Variants in ARL13B observed in about 807,000 individuals in gnomAD.
The protein encoded by ARL13B is ADP-ribosylation factor-like protein 13B.
In ARL13B, 36 loss-of-function variants were observed where a neutral mutation model predicts 56.1. The ratio of observed to expected loss-of-function variants is 0.64; its 90% CI spans 0.49 to 0.85. The LOEUF (loss-of-function observed/expected upper bound fraction) is 0.85, where lower values mean the gene tolerates loss of function less well. ARL13B is among the 40% of genes least tolerant of loss of function. The pLI is 0.00. For missense variants in ARL13B, 519 were observed against 507.1 expected, an observed-to-expected ratio of 1.02 and a Z score of -0.23; for synonymous variants, 178 against 171.1, an observed-to-expected ratio of 1.04 and a Z score of -0.32.
chr3:94,014,567 G>A, intron 3 of ARL13B: 1 of 1,611,998 alleles, frequency 6.2e-7, no homozygotes, highest in Admixed American at 1.7e-5. Context: ...AGAGATATCT[G>A]AATGAAAAGA....
At position 93,980,423 on chromosome 3, in the gene ARL13B, G is replaced by T; in HGVS notation, c.-1G>T. The stretch of plus-strand genomic sequence containing the variant: ...GGAAGTGGTGGGAGGAGCGACCCGG[G>T]ATGTTCAGTCTGATGGCCAGTTGCT... On this transcript the variant is annotated 5_prime_UTR_variant, in exon 1 of 10. Coordinates refer to ENST00000394222, the MANE Select transcript of ARL13B (RefSeq NM_001174150.2). 1 of 1,612,468 alleles carries T rather than the reference G, an allele frequency of 6.2e-7. No individual in the cohort carries two copies. The highest frequency in any genetic ancestry group is 8.5e-7 in the Non-Finnish European group (1 of 1,179,986).
intron 8 of ARL13B, among the ~76,000 whole-genome samples, chr3:94,049,996 CAAA>C (rs532785971): frequency 3.1e-5 from 2 of 64,412 alleles, no homozygotes; most frequent in Admixed American, 1.6e-4. Flanking sequence ...ACTAAAGATA[CAAA>C]AAAAAAAAAA....
At position 94,043,094 on chromosome 3, in the gene ARL13B, T is replaced by A. The variant is rs2076891212; in HGVS notation, c.878T>A (p.Met293Lys). The A allele has an allele frequency of 6.2e-7, 1 of 1,613,386 alleles. No homozygotes were observed. The highest frequency in any genetic ancestry group is 2.2e-5 in the East Asian group (1 of 44,814). Residue 293 changes from methionine (M) to lysine (K), a missense_variant, in exon 7 of 10, where the codon ATG becomes AAG. Transcript: ENST00000394222. ...GATGGCTGCCACCTGAAACATAAAA[T>A]GGAGCATGAGCAAATAGAGACACAA... is the stretch of plus-strand genomic sequence containing the variant. Reference protein sequence around the residue: ...DSDGCHLKHKMEHEQIETQGQ... With the variant: ...DSDGCHLKHKKEHEQIETQGQ...
At chr3:94,021,049 A>G (rs1274118571) in intron 3 of ARL13B, among the ~76,000 whole-genome samples, 2 of 152,160 alleles carry the variant, frequency 1.3e-5, no homozygotes, top group Admixed American at 1.3e-4. Context: ...GAAAAAAATG[A>G]GCTATGAATG....
Position 94,003,772 on chromosome 3 carries a change from T to G in ARL13B, c.244T>G (p.Trp82Gly). 1 of 1,613,760 alleles carries G rather than the reference T, an allele frequency of 6.2e-7. No homozygotes were observed. The highest frequency in any genetic ancestry group is 8.5e-7 in the Non-Finnish European group (1 of 1,179,742). ...AGGTGGAATAAGAATTCGGGGAATCTGGAAGAATTACTATGCTGAATCCTA... is the reference window on the plus strand; with the variant it reads ...AGGTGGAATAAGAATTCGGGGAATCGGGAAGAATTACTATGCTGAATCCTA... ...LGGGIRIRGIWKNYYAESYGV... is the reference protein window; with the variant it reads ...LGGGIRIRGIGKNYYAESYGV... Residue 82 changes from tryptophan (W) to glycine (G), a missense_variant, in exon 3 of 10, where the codon TGG (tryptophan) becomes GGG (glycine). Coordinates refer to ENST00000394222, the MANE Select transcript of ARL13B (RefSeq NM_001174150.2).
At chr3:93,994,345 T>A (rs2075928317) in intron 1 of ARL13B, among the ~76,000 whole-genome samples, 1 of 152,158 alleles carries the variant, frequency 6.6e-6, no homozygotes, top group South Asian at 2.1e-4. Context: ...GATTTTACCT[T>A]CTGAATAAGG....
rs1560020484 is a variant in ARL13B at position 94,053,618 on chromosome 3, C to A, written c.*355C>A. The A allele has an allele frequency of 2.2e-6, 1 of 463,590 alleles. No homozygotes were observed. Among genetic ancestry groups the A allele is most frequent in the African/African-American group, 2.0e-5 (1 of 50,486 alleles). The allele number at this position is 463,590 out of a possible 1,614,324, so 28.7% of individuals were successfully genotyped here. A position where few individuals can be genotyped will look rare whatever the true frequency, so the allele number is the denominator to read the frequency against. ...CTTTCTTTACTATTTGTTCAATAGC[C>A]TATATTTCTAGATATTAAATATTTT... On this transcript the variant is annotated 3_prime_UTR_variant, in exon 10 of 10. Transcript: ENST00000394222.
intron 2 of ARL13B, among the ~76,000 whole-genome samples, chr3:93,998,239 G>T (rs2075998620): frequency 6.6e-6 from 1 of 152,106 alleles, no homozygotes; most frequent in Non-Finnish European, 1.5e-5. Context: ...TCTAAAGCCT[G>T]ACATTCATGG....
chr3:94,014,499 T>C, intron 3 of ARL13B: 1 of 1,611,522 alleles, frequency 6.2e-7, no homozygotes, highest in Non-Finnish European at 8.5e-7. Flanking sequence ...CATACTCTTT[T>C]GTACTATTCA....
intron 2 of ARL13B, among the ~76,000 whole-genome samples, chr3:94,000,979 T>C (rs2076046727): frequency 6.6e-6 from 1 of 152,128 alleles, no homozygotes; most frequent in Admixed American, 6.5e-5. Context: ...GACAGGAGCT[T>C]CAGTTATCTC....
rs1414672891 is a variant in ARL13B at position 94,055,639 on chromosome 3, G to A, written c.*2376G>A. 2.2e-6 allele frequency: 1 copy of A among 453,242 alleles called. No individual in the cohort carries two copies. The highest frequency in any genetic ancestry group is 7.0e-5 in the East Asian group (1 of 14,382). 28.1% of individuals were successfully genotyped at this position (453,242 alleles called of 1,614,324 possible). ...TTACGTAGTATACATGATATTGTAT[G>A]TAACTGACTTCAAATATAAAACTAT... is the stretch of plus-strand genomic sequence containing the variant. On this transcript the variant is annotated 3_prime_UTR_variant, in exon 10 of 10. Transcript: ENST00000394222.
Position 94,054,833 on chromosome 3 carries a change from A to G in ARL13B, c.*1570A>G. 2.7e-6 allele frequency: 1 copy of G among 368,106 alleles called. No homozygotes were observed. The highest frequency in any genetic ancestry group is 2.1e-5 in the South Asian group (1 of 47,008). 22.8% of individuals were successfully genotyped at this position (368,106 alleles called of 1,614,324 possible). ...AAATTCGTAACAACCTAAATTTGAG[A>G]GGTGGCTGAAATGTGATGAAAAGCA... On this transcript the variant is annotated 3_prime_UTR_variant, in exon 10 of 10. Transcript: ENST00000394222.
intron 7 of ARL13B, among the ~76,000 whole-genome samples, chr3:94,044,709 A>C (rs1261584425): frequency 5.3e-5 from 7 of 132,516 alleles, no homozygotes; most frequent in Non-Finnish European, 1.1e-4. Context: ...GGAAGTGAGG[A>C]GCGCCTCTGC....
chr3:94,034,839 A>G (rs1184486389), intron 3 of ARL13B, among the ~76,000 whole-genome samples: 1 of 152,196 alleles, frequency 6.6e-6, no homozygotes, highest in East Asian at 1.9e-4. Context: ...AGTACTTAAA[A>G]ACTATTTTAG....
intron 7 of ARL13B, among the ~76,000 whole-genome samples, chr3:94,048,467 T>TA (rs772226169): frequency 1.4e-4 from 21 of 152,270 alleles, no homozygotes; most frequent in Non-Finnish European, 2.9e-4. Flanking sequence ...TTAAAATATG[T>TA]AAATAATTTT....
chr3:94,029,784 G>A (rs756825534), intron 3 of ARL13B, among the ~76,000 whole-genome samples: 1 of 152,070 alleles, frequency 6.6e-6, no homozygotes. Flanking sequence ...GTCCTTCAGC[G>A]TAGAACTGGC....
Position 94,035,404 on chromosome 3 carries a change from T to C in ARL13B, c.454T>C (p.Leu152=), listed in dbSNP as rs377049117. 15 of 1,605,634 alleles carry C rather than the reference T, an allele frequency of 9.3e-6. No homozygotes were observed. Among genetic ancestry groups the C allele is most frequent in the South Asian group, 4.5e-5 (4 of 88,146 alleles). Residue 152 remains leucine, a synonymous_variant, in exon 4 of 10, where the codon TTG becomes CTG. Coordinates refer to ENST00000394222, the MANE Select transcript of ARL13B (RefSeq NM_001174150.2). ...CATTGAATGTCTATCTCTGGAAAAA[T>C]TGGTCAATGAGCACAAGTGCCTGTG... ...DVIECLSLEK[L]VNEHKCLCQI... is the part of the protein sequence containing the mutation.
intron 3 of ARL13B, among the ~76,000 whole-genome samples, chr3:94,030,452 C>T: frequency 7.1e-6 from 1 of 140,716 alleles, no homozygotes; most frequent in Non-Finnish European, 1.5e-5. Flanking sequence ...CAAAGCTGGT[C>T]TTGAACCCCT....
chr3:94,049,673 A>G, intron 8 of ARL13B, 151 bp downstream of exon 8: 1 of 563,768 alleles, frequency 1.8e-6, no homozygotes, highest in East Asian at 3.1e-5. Context: ...GATTTGGACA[A>G]AATTTGCTAA....
Sources: gnomAD v4.1 joint callset for allele counts (sites outside exome capture counted in the v4.1 genomes callset) on GRCh38, gnomAD v4.1.1 for gene constraint, MANE v1.5 for transcripts, NCBI Gene and HGNC (gene_info 2026-07-23, HGNC 2026-07-21) for gene names.